KIAA0586: variants seen among roughly 807,000 people sequenced by gnomAD.
The protein encoded by KIAA0586 is protein TALPID3.
In KIAA0586, 144 loss-of-function variants were observed where a neutral mutation model predicts 169.8. The observed-to-expected ratio is 0.85, with a 90% confidence interval of 0.74 to 0.97. The LOEUF is 0.97. KIAA0586 is among the 50% of genes least tolerant of loss of function. KIAA0586 has a pLI of 0.00. For missense variants in KIAA0586, 1,854 were observed against 1,823.0 expected (o/e 1.02, Z -0.31); for synonymous variants, 625 against 612.4 (o/e 1.02, Z -0.30).
At chr14:58,501,266 A>C (rs2043549446) in intron 27 of KIAA0586, among the ~76,000 whole-genome samples, 1 of 152,240 alleles carries the variant, frequency 6.6e-6, no homozygotes, top group Admixed American at 6.5e-5. Flanking sequence ...AAATGTAAAG[A>C]TTGGCCTTAT....
chr14:58,502,567 G>C (rs568510109), intron 27 of KIAA0586, among the ~76,000 whole-genome samples: 1 of 151,784 alleles, frequency 6.6e-6, no homozygotes, highest in Non-Finnish European at 1.5e-5. Context: ...TACCAGGAGG[G>C]CAGGGATCAC....
intron 16 of KIAA0586, 28 bp from the exon 17 acceptor site, chr14:58,470,585 G>C: frequency 7.5e-7 from 1 of 1,330,378 alleles, no homozygotes; most frequent in Non-Finnish European, 1.1e-6. Context: ...ATGATAAACA[G>C]AAAGCTGAAT....
chr14:58,453,121 G>A (rs1354774323), intron 8 of KIAA0586, among the ~76,000 whole-genome samples: 2 of 151,680 alleles, frequency 1.3e-5, no homozygotes, highest in Non-Finnish European at 2.9e-5. Context: ...GTTTCTCCAT[G>A]TTGGTCAGGC....
In KIAA0586 at chr14:58,453,381, T is replaced by A; in HGVS notation, c.1161T>A (p.Asn387Lys). The stretch of plus-strand genomic sequence containing the variant: ...TAAGACTATTGGAACAAATTTTGAA[T>A]AATAATGATTCTTTGACAAGAAAAA... ...GNVRLLEQIL[N>K]NNDSLTRKSE... The change falls in exon 9 of 31, where the codon AAT (asparagine) becomes AAA (lysine). Residue 387 changes from asparagine to lysine, a missense_variant. By Grantham distance (94) the Asn-to-Lys change is moderately conservative (BLOSUM62 0). Coordinates refer to ENST00000652326, the MANE Select transcript of KIAA0586 (RefSeq NM_001329943.3). 7.1e-7 allele frequency: 1 copy of A among 1,409,402 alleles called. No individual in the cohort carries two copies. Among genetic ancestry groups the A allele is most frequent in the Non-Finnish European group, 9.7e-7 (1 of 1,034,962 alleles). 87.3% of individuals were successfully genotyped at this position (1,409,402 alleles called of 1,614,324 possible).
At chr14:58,533,140 T>C (rs562815373) in intron 29 of KIAA0586, among the ~76,000 whole-genome samples, 1 of 152,342 alleles carries the variant, frequency 6.6e-6, no homozygotes, top group South Asian at 2.1e-4. Context: ...TTATTGCCTT[T>C]TGTGTCATTC....
At chr14:58,531,341 A>G (rs933796349) in intron 29 of KIAA0586, among the ~76,000 whole-genome samples, 13 of 146,206 alleles carry the variant, frequency 8.9e-5, no homozygotes, top group African/African-American at 3.5e-4. Context: ...AAAAAAAAAA[A>G]TAAAATAAAT....
chr14:58,481,901 C>T (rs922767371), intron 20 of KIAA0586, among the ~76,000 whole-genome samples: 1 of 151,872 alleles, frequency 6.6e-6, no homozygotes, highest in Non-Finnish European at 1.5e-5. Flanking sequence ...GCAAGCTCCA[C>T]CTCCTGGGTT....
At chr14:58,476,594 G>T (rs1218709449) in intron 19 of KIAA0586, among the ~76,000 whole-genome samples, 1 of 150,392 alleles carries the variant, frequency 6.6e-6, no homozygotes, top group Non-Finnish European at 1.5e-5. Context: ...TAATCTGAAA[G>T]ATTTTAATTT....
In KIAA0586 at chr14:58,498,815, A is replaced by G. The variant is rs764715412; in HGVS notation, c.4023A>G (p.Glu1341=). ...AAAACAGTGTGGGTGAACTTAGTGA[A>G]GGACAAAGACCCCAGCTAACAGCGG... ...DLENSVGELS[E]GQRPQLTAAA... Residue 1341 remains glutamate, a synonymous_variant, in exon 27 of 31, where the codon GAA becomes GAG. Transcript: ENST00000652326. The G allele has an allele frequency of 2.5e-6, 4 of 1,608,442 alleles. No individual in the cohort carries two copies. The African/African-American group carries it at 5.3e-5, about 22-fold the overall frequency.
chr14:58,552,624 A>G (rs1361446685), downstream of KIAA0586, among the ~76,000 whole-genome samples: 6 of 152,360 alleles, frequency 3.9e-5, no homozygotes, highest in African/African-American at 1.4e-4. Context: ...CAAGCAGTTC[A>G]GTACGCTCCT....
At chr14:58,472,329 C>G in intron 18 of KIAA0586, 50 bp downstream of exon 18, 1 of 1,094,312 alleles carries the variant, frequency 9.1e-7, no homozygotes, top group Non-Finnish European at 1.3e-6. Context: ...CGGTATTTTT[C>G]CAGGTTGTTG....
intron 7 of KIAA0586, among the ~76,000 whole-genome samples, chr14:58,449,332 A>G (rs1458019561): frequency 1.3e-5 from 2 of 152,160 alleles, no homozygotes; most frequent in African/African-American, 2.4e-5. Context: ...TTCGAGACCA[A>G]CCTGGGACAT....
chr14:58,551,291 A>G lies in KIAA0586; in HGVS notation c.*3359A>G, dbSNP rs2047194680. ...CTTGAATAAATATTTTTATTCTTAG[A>G]AGATTATTTCAATATGTTTCTTATT... On this transcript the variant is annotated 3_prime_UTR_variant, in exon 31 of 31. Transcript: ENST00000652326. 6.6e-6 allele frequency: 1 copy of G among 152,168 alleles called. No individual in the cohort carries two copies. Among genetic ancestry groups the G allele is most frequent in the African/African-American group, 2.4e-5 (1 of 41,434 alleles). 9.4% of individuals were successfully genotyped at this position (152,168 alleles called of 1,614,324 possible).
chr14:58,516,354 A>G (rs534585878), intron 29 of KIAA0586, among the ~76,000 whole-genome samples: 1 of 152,230 alleles, frequency 6.6e-6, no homozygotes, highest in Admixed American at 6.5e-5. Context: ...GGGGCAACAC[A>G]TCTGTTATTT....
At chr14:58,437,892 A>G (rs1379924521) in intron 4 of KIAA0586, among the ~76,000 whole-genome samples, 2 of 152,158 alleles carry the variant, frequency 1.3e-5, no homozygotes, top group Non-Finnish European at 2.9e-5. Context: ...TGAGAAAACC[A>G]AACATTTAAG....
chr14:58,432,266 G>A (rs1208636965), intron 3 of KIAA0586, 122 bp from the exon 4 acceptor site: 17 of 607,204 alleles, frequency 2.8e-5, no homozygotes, highest in South Asian at 2.1e-4. Flanking sequence ...CTTTTCGATC[G>A]TGGAATGCTA....
At chr14:58,519,575 T>C (rs2045037974) in intron 29 of KIAA0586, among the ~76,000 whole-genome samples, 1 of 152,240 alleles carries the variant, frequency 6.6e-6, no homozygotes, top group African/African-American at 2.4e-5. Flanking sequence ...TGAATAAGCA[T>C]TTAATAAATA....
At chr14:58,546,656 T>C (rs550597893) in intron 30 of KIAA0586, among the ~76,000 whole-genome samples, 4 of 152,208 alleles carry the variant, frequency 2.6e-5, no homozygotes, top group Non-Finnish European at 5.9e-5. Context: ...TCTTAGGCAT[T>C]GTGCTTTAAA....
intron 17 of KIAA0586, among the ~76,000 whole-genome samples, chr14:58,471,094 C>T (rs1018183482): frequency 6.6e-6 from 1 of 152,090 alleles, no homozygotes; most frequent in Non-Finnish European, 1.5e-5. Context: ...CCAAGTGATC[C>T]CTCTACCTCG....
Sources: allele counts gnomAD v4.1 joint callset (sites outside exome capture counted in the v4.1 genomes callset), GRCh38; gene constraint gnomAD v4.1.1; transcripts MANE v1.5; gene names NCBI Gene and HGNC (gene_info 2026-07-23, HGNC 2026-07-21).